FNIP1: variants seen among roughly 807,000 people sequenced by gnomAD.
FNIP1 encodes folliculin-interacting protein 1.
A neutral mutation model predicts 124.5 loss-of-function variants in FNIP1; 40 were observed. That is an observed-to-expected ratio of 0.32 (90% CI 0.25 to 0.42). The LOEUF (loss-of-function observed/expected upper bound fraction) is 0.42, where lower values mean the gene tolerates loss of function less well. Among genes scored for constraint, FNIP1 ranks in the 10% least tolerant of loss-of-function variants. The probability of loss-of-function intolerance (pLI) is 1.00; values close to 1 mark genes in which losing one functional copy is unlikely to be tolerated. For missense variants in FNIP1, 1,176 were observed against 1,403.7 expected (o/e 0.84, Z 2.59); for synonymous variants, 472 against 470.6 (o/e 1.00, Z -0.04).
Position 131,665,521 on chromosome 5 carries a change from TA to T in FNIP1, c.3108+4941del, listed in dbSNP as rs1480489002. 3.3e-5 allele frequency among the ~76,000 whole-genome samples: 5 copies of T among 150,706 alleles called. No homozygotes were observed. The East Asian group carries it at 7.8e-4, about 23-fold the overall frequency. On this transcript the variant is annotated intron_variant, in intron 15 of 17. Transcript: ENST00000510461. ...CTACATGTTTTTCCATGTAGTCACA[TA>T]AAAAAATTTCATGTTAAATATGATA... is the stretch of plus-strand genomic sequence containing the variant.
intron 1 of FNIP1, 157 bp downstream of exon 1, chr5:131,796,673 G>A: frequency 1.5e-6 from 1 of 660,894 alleles, no homozygotes; most frequent in South Asian, 2.0e-5. Flanking sequence ...CCAACCCTTC[G>A]GCGCTAGCCC....
intron 1 of FNIP1, among the ~76,000 whole-genome samples, chr5:131,764,392 C>T (rs923151131): frequency 3.3e-5 from 5 of 150,760 alleles, no homozygotes; most frequent in Admixed American, 1.3e-4. Flanking sequence ...ACTGCAACCT[C>T]GACCTCCTGG....
intron 1 of FNIP1, among the ~76,000 whole-genome samples, chr5:131,753,515 A>G (rs1263499600): frequency 6.6e-6 from 1 of 152,202 alleles, no homozygotes; most frequent in Non-Finnish European, 1.5e-5. Flanking sequence ...ACCTACTGAT[A>G]ATTCTATTTA....
At chr5:131,739,906 C>T (rs982655232) in intron 2 of FNIP1, among the ~76,000 whole-genome samples, 2 of 151,902 alleles carry the variant, frequency 1.3e-5, no homozygotes, top group African/African-American at 2.4e-5. Flanking sequence ...TCCTCACTGC[C>T]CTTCTTTTTC....
intron 10 of FNIP1, among the ~76,000 whole-genome samples, chr5:131,703,091 C>T (rs1189301121): frequency 2.6e-5 from 4 of 152,192 alleles, no homozygotes; most frequent in Non-Finnish European, 2.9e-5. Context: ...AAATCTGTTT[C>T]GCTTGCAGTC....
At chr5:131,649,463 G>A (rs1039271214) in intron 16 of FNIP1, among the ~76,000 whole-genome samples, 13 of 151,944 alleles carry the variant, frequency 8.6e-5, no homozygotes, top group Admixed American at 7.9e-4. Context: ...ATTTTCTTTG[G>A]CAAAACGTCT....
intron 16 of FNIP1, among the ~76,000 whole-genome samples, chr5:131,647,525 A>G (rs1766924146): frequency 6.6e-6 from 1 of 151,450 alleles, no homozygotes; most frequent in Admixed American, 6.6e-5. Flanking sequence ...ACCAGGCTGG[A>G]GTGCAAAGCG....
At chr5:131,671,474 G>A (rs760064915) in intron 14 of FNIP1, 31 bp downstream of exon 14, 5 of 1,510,192 alleles carry the variant, frequency 3.3e-6, no homozygotes, top group Non-Finnish European at 4.5e-6. Flanking sequence ...ATTTATATAG[G>A]GCCCATTATA....
chr5:131,710,469 C>A, intron 7 of FNIP1, 109 bp downstream of exon 7: 1 of 941,190 alleles, frequency 1.1e-6, no homozygotes, highest in South Asian at 2.0e-5. Flanking sequence ...GTTTTCTTAA[C>A]CACAACCTCA....
chr5:131,677,622 A>C, intron 13 of FNIP1, 81 bp downstream of exon 13: 1 of 1,315,214 alleles, frequency 7.6e-7, no homozygotes, highest in Non-Finnish European at 1.0e-6. Flanking sequence ...CATTTTATTT[A>C]TTTTTGGTTT....
intron 15 of FNIP1, among the ~76,000 whole-genome samples, chr5:131,657,798 T>C (rs1444709402): frequency 1.4e-5 from 2 of 143,226 alleles, no homozygotes; most frequent in Non-Finnish European, 1.5e-5. Context: ...CTTGCAACTT[T>C]GGGAGGCCGA....
intron 1 of FNIP1, among the ~76,000 whole-genome samples, chr5:131,792,424 G>C (rs1355164553): frequency 1.3e-5 from 2 of 152,148 alleles, no homozygotes; most frequent in East Asian, 3.8e-4. Context: ...GCCTCCCAAA[G>C]TGCTGGGATT....
At chr5:131,751,993 A>G (rs1289075933) in intron 1 of FNIP1, among the ~76,000 whole-genome samples, 6 of 152,230 alleles carry the variant, frequency 3.9e-5, no homozygotes, top group African/African-American at 1.2e-4. Flanking sequence ...AATGTGAAGT[A>G]TATCTCAGCA....
chr5:131,723,011 C>T (rs1423917195), intron 3 of FNIP1, among the ~76,000 whole-genome samples: 2 of 152,050 alleles, frequency 1.3e-5, no homozygotes, highest in South Asian at 4.1e-4. Flanking sequence ...AGAAAAAAGT[C>T]ATTTCTGTCA....
chr5:131,730,015 A>G (rs1770025271), intron 3 of FNIP1, among the ~76,000 whole-genome samples: 1 of 151,898 alleles, frequency 6.6e-6, no homozygotes, highest in African/African-American at 2.4e-5. Context: ...TGCTGGGATT[A>G]CAGGCATGAG....
intron 11 of FNIP1, among the ~76,000 whole-genome samples, chr5:131,691,053 C>T (rs1768463356): frequency 6.6e-6 from 1 of 152,158 alleles, no homozygotes; most frequent in African/African-American, 2.4e-5. Context: ...CAGGAGAATA[C>T]ACAATCTTCC....
chr5:131,642,227 G>A lies in FNIP1; in HGVS notation c.*2458C>T, dbSNP rs1479176622. On this transcript the variant is annotated 3_prime_UTR_variant, in exon 18 of 18. Coordinates refer to ENST00000510461, the MANE Select transcript of FNIP1 (RefSeq NM_133372.3). ...TTCATCATAATGACCACACTTTAAA[G>A]TAGCAGCAGCTCATTCCTTGGGCTT... The A allele has an allele frequency of 6.6e-6, 1 of 152,634 alleles. No individual in the cohort carries two copies. Among genetic ancestry groups the A allele is most frequent in the Admixed American group, 6.6e-5 (1 of 15,264 alleles). 9.5% of individuals were successfully genotyped at this position (152,634 alleles called of 1,614,324 possible).
intron 1 of FNIP1, among the ~76,000 whole-genome samples, chr5:131,782,065 G>T (rs189259144): frequency 4.9e-4 from 75 of 152,082 alleles, no homozygotes; most frequent in African/African-American, 1.8e-3. Flanking sequence ...GAGGTGGGAG[G>T]ATCACTTAAG....
chr5:131,796,788 C>T lies in FNIP1; in HGVS notation c.92+42G>A, dbSNP rs1327134597. ...CAACACCCCTGGAGCCCGGAGCCCA[C>T]AAGGCCATCGGCTCCGCGACCCCCG... On this transcript the variant is annotated intron_variant, in intron 1 of 17. Transcript: ENST00000510461. 3 of 1,534,684 alleles carry T rather than the reference C, an allele frequency of 2.0e-6. No homozygotes were observed. The South Asian group carries it at 3.6e-5, about 18-fold the overall frequency.
Sources: allele counts gnomAD v4.1 joint callset (sites outside exome capture counted in the v4.1 genomes callset), GRCh38; gene constraint gnomAD v4.1.1; transcripts MANE v1.5; gene names NCBI Gene and HGNC (gene_info 2026-07-23, HGNC 2026-07-21).